The following C1QTNF3 variants were observed in gnomAD, a reference collection of about 807,000 sequenced individuals.
The protein encoded by C1QTNF3 is C1q and TNF related 3.
A neutral mutation model predicts 32.6 loss-of-function variants in C1QTNF3; 26 were observed. The ratio of observed to expected loss-of-function variants is 0.80; its 90% CI spans 0.58 to 1.11. The LOEUF is 1.11. Ranked by LOEUF, C1QTNF3 falls within the 50% of genes least tolerant of loss-of-function variation. The pLI is 0.00. For missense variants in C1QTNF3, 362 were observed against 398.2 expected (o/e 0.91, Z 0.77); for synonymous variants, 155 against 146.0 (o/e 1.06, Z -0.44).
At chr5:34,180,449 C>T in the C1QTNF3 span, among the ~76,000 whole-genome samples, 1 of 152,114 alleles carries the variant, frequency 6.6e-6, no homozygotes, top group Non-Finnish European at 1.5e-5. Flanking sequence ...CCCAGGAGGT[C>T]GAGATGGCAA....
At chr5:34,223,339 G>C in the C1QTNF3 span, among the ~76,000 whole-genome samples, 1 of 150,836 alleles carries the variant, frequency 6.6e-6, no homozygotes, top group South Asian at 2.1e-4. Flanking sequence ...TCCCTACAAA[G>C]GACATGAACT....
At chr5:34,110,753 G>GA in the C1QTNF3 span, among the ~76,000 whole-genome samples, 86 of 151,864 alleles carry the variant, frequency 5.7e-4, 1 homozygote, top group African/African-American at 1.9e-3. Flanking sequence ...CTTTCTCTCT[G>GA]AAAAAATTTG....
upstream of C1QTNF3, among the ~76,000 whole-genome samples, chr5:34,047,135 G>A (rs1177533113): frequency 6.6e-6 from 1 of 152,166 alleles, no homozygotes; most frequent in Non-Finnish European, 1.5e-5. Flanking sequence ...AGGTGATGAA[G>A]TCCCAGTTCT....
chr5:34,077,202 A>G, the C1QTNF3 span, among the ~76,000 whole-genome samples: 1 of 151,744 alleles, frequency 6.6e-6, no homozygotes, highest in Non-Finnish European at 1.5e-5. Flanking sequence ...GCTGTTTTGC[A>G]ATGATTAATT....
At chr5:34,157,221 C>A in the C1QTNF3 span, among the ~76,000 whole-genome samples, 1 of 152,160 alleles carries the variant, frequency 6.6e-6, no homozygotes, top group African/African-American at 2.4e-5. Flanking sequence ...CATGCACACT[C>A]CCAATGGCTG....
At chr5:34,025,340 T>C (rs544918890) in intron 4 of C1QTNF3, among the ~76,000 whole-genome samples, 3 of 152,316 alleles carry the variant, frequency 2.0e-5, no homozygotes, top group African/African-American at 7.2e-5. Context: ...AATATACTAG[T>C]TTTTCTTACA....
the C1QTNF3 span, among the ~76,000 whole-genome samples, chr5:34,117,299 G>A: frequency 6.6e-6 from 1 of 152,130 alleles, no homozygotes; most frequent in Non-Finnish European, 1.5e-5. Context: ...GTTTCAGGGT[G>A]TTAAATATGA....
chr5:34,071,023 T>C, the C1QTNF3 span, among the ~76,000 whole-genome samples: 3 of 152,176 alleles, frequency 2.0e-5, no homozygotes, highest in East Asian at 3.8e-4. Flanking sequence ...GGATATTCAA[T>C]TATATAGCAA....
chr5:34,219,572 G>GA, the C1QTNF3 span, among the ~76,000 whole-genome samples: 200 of 143,340 alleles, frequency 1.4e-3, no homozygotes, highest in East Asian at 9.5e-3. Context: ...TATTGTGATG[G>GA]AAAAAAAAAA....
At chr5:34,134,402 A>G in the C1QTNF3 span, among the ~76,000 whole-genome samples, 16 of 152,180 alleles carry the variant, frequency 1.1e-4, no homozygotes, top group Admixed American at 7.2e-4. Flanking sequence ...GTCAACACAC[A>G]TGTTCATAGA....
the C1QTNF3 span, among the ~76,000 whole-genome samples, chr5:34,077,289 A>G: frequency 2.0e-5 from 3 of 151,622 alleles, no homozygotes; most frequent in Non-Finnish European, 2.9e-5. Context: ...GCTAATAATT[A>G]TTTTTTTAAC....
the C1QTNF3 span, among the ~76,000 whole-genome samples, chr5:34,160,371 T>G: frequency 6.6e-6 from 1 of 152,348 alleles, no homozygotes; most frequent in South Asian, 2.1e-4. Flanking sequence ...ATGAATTTCT[T>G]TAAATTATAT....
At chr5:34,145,612 G>C in the C1QTNF3 span, among the ~76,000 whole-genome samples, 1 of 143,244 alleles carries the variant, frequency 7.0e-6, no homozygotes, top group Non-Finnish European at 1.5e-5. Context: ...AATTGAGGGA[G>C]ACTCCTTCCT....
At chr5:34,043,397 C>A, upstream of C1QTNF3, 1 of 463,980 alleles carries the variant, frequency 2.2e-6, no homozygotes, top group South Asian at 3.1e-5. Flanking sequence ...AATGTCACAC[C>A]TTGGCACGTT....
the C1QTNF3 span, among the ~76,000 whole-genome samples, chr5:34,094,817 TTA>T: frequency 3.4e-5 from 5 of 148,214 alleles, no homozygotes; most frequent in Admixed American, 3.4e-4. Context: ...TTCCCCAGAA[TTA>T]TCTTTAACTG....
chr5:34,212,369 A>T, the C1QTNF3 span, among the ~76,000 whole-genome samples: 13 of 152,140 alleles, frequency 8.5e-5, no homozygotes, highest in Non-Finnish European at 1.2e-4. Context: ...CTAAAACACC[A>T]AAAGCAATGG....
chr5:34,044,474 C>T (rs568244932), upstream of C1QTNF3, among the ~76,000 whole-genome samples: 18 of 152,260 alleles, frequency 1.2e-4, no homozygotes, highest in African/African-American at 3.9e-4. Flanking sequence ...GATGAAGAGT[C>T]AGAGCAGCTG....
the C1QTNF3 span, among the ~76,000 whole-genome samples, chr5:34,195,590 C>T: frequency 2.0e-5 from 3 of 152,328 alleles, no homozygotes; most frequent in Non-Finnish European, 4.4e-5. Context: ...GCCTGTAATC[C>T]CAGCACTTTG....
At chr5:34,046,806 C>G (rs1035709326), upstream of C1QTNF3, among the ~76,000 whole-genome samples, 1 of 152,198 alleles carries the variant, frequency 6.6e-6, no homozygotes. Flanking sequence ...CATGTACTAT[C>G]TTGTACACGC....
Sources: gnomAD v4.1 joint callset for allele counts (sites outside exome capture counted in the v4.1 genomes callset) on GRCh38, gnomAD v4.1.1 for gene constraint, MANE v1.5 for transcripts, NCBI Gene and HGNC (gene_info 2026-07-23, HGNC 2026-07-21) for gene names.